The following ABCA12 variants were observed in gnomAD, a reference collection of about 807,000 sequenced individuals.
ABCA12 encodes glucosylceramide transporter ABCA12.
Under a neutral mutation model 293.5 loss-of-function variants are expected in ABCA12, and 156 were observed. The ratio of observed to expected loss-of-function variants is 0.53; its 90% CI spans 0.47 to 0.61. ABCA12 has a LOEUF of 0.61. Ranked by LOEUF, ABCA12 falls within the 20% of genes least tolerant of loss-of-function variation. The pLI is 0.00. For synonymous variants in ABCA12, 1,063 were observed against 1,108.0 expected (o/e 0.96, Z 0.81); for missense variants, 2,797 against 3,090.2 (o/e 0.91, Z 2.25).
chr2:215,089,443 A>G (rs1397484369), intron 2 of ABCA12, among the ~76,000 whole-genome samples: 2 of 152,186 alleles, frequency 1.3e-5, no homozygotes, highest in African/African-American at 4.8e-5. Flanking sequence ...CACAGGCCAA[A>G]AAGCCTCTGA....
chr2:214,932,416 G>A lies in ABCA12; in HGVS notation c.*218C>T. The A allele has an allele frequency of 1.8e-6, 1 of 556,022 alleles. No individual in the cohort carries two copies. Among genetic ancestry groups the A allele is most frequent in the Non-Finnish European group, 3.2e-6 (1 of 310,280 alleles). 34.4% of individuals were successfully genotyped at this position (556,022 alleles called of 1,614,324 possible). On this transcript the variant is annotated 3_prime_UTR_variant, in exon 53 of 53. Transcript: ENST00000272895. Reference sequence around the variant, plus strand: ...TATACATTAGCATGCTCACAGTGTTGAGTATACAGGAATTCATTTCAGTAG... The same window carrying A: ...TATACATTAGCATGCTCACAGTGTTAAGTATACAGGAATTCATTTCAGTAG...
chr2:215,107,930 G>A (rs1419803612), intron 2 of ABCA12, among the ~76,000 whole-genome samples: 1 of 152,218 alleles, frequency 6.6e-6, no homozygotes, highest in Admixed American at 6.5e-5. Flanking sequence ...TCAGAGGAGT[G>A]AGGTGTGTTC....
intron 2 of ABCA12, among the ~76,000 whole-genome samples, chr2:215,100,297 T>C (rs1467657917): frequency 1.3e-5 from 2 of 152,234 alleles, no homozygotes; most frequent in African/African-American, 4.8e-5. Flanking sequence ...CAGTTAAGCC[T>C]GAGAAGTTCT....
Position 214,958,284 on chromosome 2 carries a change from T to A in ABCA12, c.6110A>T (p.Tyr2037Phe). ...AGGACATAAGTTACTCACCATGTCA[T>A]AAATGAAGTTTGTTACCCAGTAGCA... ...VTCYWVTNFI[Y>F]DMVFYLVPVA... Residue 2037 changes from tyrosine (Y) to phenylalanine (F), a missense_variant, in exon 41 of 53, where the codon TAT becomes TTT. Tyr to Phe is a conservative substitution (Grantham distance 22). Around this residue, in one of 3 missense-constraint regions of ABCA12, gnomAD observed 2,130 missense variants for 2,427.0 expected, o/e 0.88. Coordinates refer to ENST00000272895, the MANE Select transcript of ABCA12 (RefSeq NM_173076.3). The A allele has an allele frequency of 6.2e-7, 1 of 1,613,976 alleles. No homozygotes were observed.
chr2:214,963,327 A>C (rs775471478), intron 39 of ABCA12: 5 of 152,072 alleles, frequency 3.3e-5, no homozygotes, highest in African/African-American at 9.7e-5. Context: ...AAAATGGATA[A>C]ATTTCTGGAC....
intron 2 of ABCA12, among the ~76,000 whole-genome samples, chr2:215,097,065 CT>C (rs1702261629): frequency 6.6e-6 from 1 of 152,152 alleles, no homozygotes; most frequent in Non-Finnish European, 1.5e-5. Flanking sequence ...TAAATGCATA[CT>C]TAGTCAATTA....
chr2:215,136,495 G>A (rs1276637195), intron 1 of ABCA12, among the ~76,000 whole-genome samples: 1 of 151,918 alleles, frequency 6.6e-6, no homozygotes, highest in Admixed American at 6.6e-5. Context: ...ACAAAATAGA[G>A]TTGTAAAAGA....
At chr2:215,018,579 A>C (rs1211309718) in intron 13 of ABCA12, among the ~76,000 whole-genome samples, 1 of 152,174 alleles carries the variant, frequency 6.6e-6, no homozygotes, top group Non-Finnish European at 1.5e-5. Context: ...TTTTTCTTTA[A>C]CTACAGTCAC....
chr2:215,068,645 A>G (rs1701680130), intron 2 of ABCA12, among the ~76,000 whole-genome samples: 1 of 151,014 alleles, frequency 6.6e-6, no homozygotes, highest in African/African-American at 2.4e-5. Context: ...CTACTTCTTA[A>G]TGTTTTCTTC....
chr2:214,990,589 C>T (rs1699889718), intron 24 of ABCA12, 113 bp downstream of exon 24: 2 of 1,093,914 alleles, frequency 1.8e-6, no homozygotes, highest in Non-Finnish European at 1.4e-6. Context: ...ACTTTGCTTT[C>T]ACTGAATTTC....
chr2:214,952,387 G>C (rs971603952), intron 44 of ABCA12, among the ~76,000 whole-genome samples: 1 of 151,874 alleles, frequency 6.6e-6, no homozygotes, highest in Non-Finnish European at 1.5e-5. Flanking sequence ...CGTCCAGCTA[G>C]TTTTTGTATT....
At chr2:214,959,895 C>T (rs575068245) in intron 39 of ABCA12, among the ~76,000 whole-genome samples, 1 of 152,230 alleles carries the variant, frequency 6.6e-6, no homozygotes, top group South Asian at 2.1e-4. Flanking sequence ...AAAGTGTGTA[C>T]TGTCTGAGCG....
At chr2:214,999,689 C>A (rs1000668502) in intron 22 of ABCA12, 1 of 414,930 alleles carries the variant, frequency 2.4e-6, no homozygotes, top group Non-Finnish European at 3.2e-6. Flanking sequence ...TTTGTGCAAA[C>A]CATTGCAGTT....
At chr2:214,952,803 C>T (rs1698820932) in intron 44 of ABCA12, among the ~76,000 whole-genome samples, 1 of 152,184 alleles carries the variant, frequency 6.6e-6, no homozygotes, top group Non-Finnish European at 1.5e-5. Context: ...TAAACTGTAA[C>T]TCCTACTTTT....
In ABCA12 at chr2:215,031,878, G is replaced by C. The variant is rs200192565; in HGVS notation, c.1004C>G (p.Thr335Arg). 1.1e-5 allele frequency: 18 copies of C among 1,613,828 alleles called. No individual in the cohort carries two copies. Among genetic ancestry groups the C allele is most frequent in the Non-Finnish European group, 1.5e-5 (18 of 1,179,894 alleles). The change falls in exon 9 of 53, where the codon ACG becomes AGG. Residue 335 changes from threonine to arginine, a missense_variant. By Grantham distance (71) the Thr-to-Arg change is moderately conservative. This residue lies in a region of ABCA12 where 656 missense variants were observed against 638.2 expected (regional missense o/e 1.03). Transcript: ENST00000272895. ...TCCATCATCCTCATTCCACACATGCGTTATATTATCGGAGTCACCTGAAGT... is the reference window on the plus strand; with the variant it reads ...TCCATCATCCTCATTCCACACATGCCTTATATTATCGGAGTCACCTGAAGT... ...SPAQGDSDNI[T>R]HVWNEDDGQT... is the part of the protein sequence containing the mutation.
intron 8 of ABCA12, among the ~76,000 whole-genome samples, chr2:215,033,253 T>G (rs986148514): frequency 6.6e-6 from 1 of 152,178 alleles, no homozygotes; most frequent in African/African-American, 2.4e-5. Flanking sequence ...CATCTATATA[T>G]AGAATAACTA....
chr2:215,130,896 T>C (rs1316837898), intron 1 of ABCA12, among the ~76,000 whole-genome samples: 1 of 152,000 alleles, frequency 6.6e-6, no homozygotes, highest in Admixed American at 6.6e-5. Context: ...TGACTGTTAT[T>C]ATTTTGAGGT....
At position 214,955,319 on chromosome 2, in the gene ABCA12, G is replaced by C. The variant is rs143487154; in HGVS notation, c.6276C>G (p.Phe2092Leu). 2.5e-6 allele frequency: 4 copies of C among 1,614,110 alleles called. No homozygotes were observed. In the African/African-American group the frequency reaches 5.3e-5, roughly 22 times the overall value. The change falls in exon 43 of 53, where the codon TTC (phenylalanine) becomes TTG (leucine). Residue 2092 changes from phenylalanine to leucine, a missense_variant. Phe to Leu is a conservative substitution (Grantham distance 22). Transcript: ENST00000272895. ...FSWMYLLAGL[F>L]HETGMAFITY... is the part of the protein sequence containing the mutation. ...TGATGAAGGCCATTCCTGTTTCATGGAAGAGCCCAGCCAGCAAGTACATCC... is the reference window on the plus strand; with the variant it reads ...TGATGAAGGCCATTCCTGTTTCATGCAAGAGCCCAGCCAGCAAGTACATCC...
chr2:214,968,250 C>G (rs1264504224), intron 38 of ABCA12, among the ~76,000 whole-genome samples: 1 of 152,106 alleles, frequency 6.6e-6, no homozygotes, highest in African/African-American at 2.4e-5. Flanking sequence ...AATACCCTCC[C>G]TTTCCCCTAA....
Sources: gnomAD v4.1 joint callset for allele counts (sites outside exome capture counted in the v4.1 genomes callset) on GRCh38, gnomAD v4.1.1 for gene constraint, gnomAD v4.1.1 regional missense constraint, MANE v1.5 for transcripts, NCBI Gene and HGNC (gene_info 2026-07-23, HGNC 2026-07-21) for gene names.